ARHGAP21: variants seen among roughly 807,000 people sequenced by gnomAD.
ARHGAP21 encodes the protein Rho GTPase activating protein 21, also known as rho GTPase-activating protein 21.
A neutral mutation model predicts 164.6 loss-of-function variants in ARHGAP21; 38 were observed. The observed-to-expected ratio is 0.23, with a 90% confidence interval of 0.18 to 0.30. ARHGAP21 has a LOEUF of 0.30. Among genes scored for constraint, ARHGAP21 ranks in the 10% least tolerant of loss-of-function variants. The probability of loss-of-function intolerance (pLI) is 1.00; values close to 1 mark genes in which losing one functional copy is unlikely to be tolerated. For synonymous variants in ARHGAP21, 766 were observed against 857.9 expected (o/e 0.89, Z 1.87); for missense variants, 1,822 against 2,370.7 (o/e 0.77, Z 4.81).
intron 25 of ARHGAP21, 108 bp downstream of exon 25, chr10:24,589,163 G>T: frequency 4.3e-6 from 4 of 923,872 alleles, no homozygotes; most frequent in Non-Finnish European, 6.9e-6. Context: ...ATACTTTGTT[G>T]CTCTGTCTCA....
intron 13 of ARHGAP21, among the ~76,000 whole-genome samples, chr10:24,601,675 T>C (rs1310097411): frequency 1.3e-5 from 2 of 152,192 alleles, no homozygotes; most frequent in Non-Finnish European, 2.9e-5. Flanking sequence ...AACCCATTGC[T>C]AATAAACTAA....
rs557410186 is a variant in ARHGAP21, at chr10:24,646,767, G to A, written c.269-11664C>T. 5.9e-5 allele frequency among the ~76,000 whole-genome samples: 9 copies of A among 152,110 alleles called. No homozygotes were observed. In the East Asian group the frequency reaches 1.7e-3, roughly 29 times the overall value. On this transcript the variant is annotated intron_variant, in intron 4 of 25. Transcript: ENST00000396432. ...TCTAAAAAAATTTTAATAATAAAAA[G>A]AAACCATTATACAATGATTTGATCA...
intron 25 of ARHGAP21, among the ~76,000 whole-genome samples, chr10:24,588,217 A>G (rs1184827293): frequency 2.0e-5 from 3 of 152,228 alleles, no homozygotes; most frequent in African/African-American, 4.8e-5. Flanking sequence ...TATGAAAATT[A>G]CACTGTAATT....
rs1220545736 is a variant in ARHGAP21, at chr10:24,596,884, TTTTGA to T, written c.3335-7_3335-3del. ...TGTCTTTTGGGGGACTGGTATCATC[TTTTGA>T]TTGCCAGTCAAAATAAAACAACATA... On this transcript the variant is annotated splice_polypyrimidine_tract_variant and splice_region_variant and intron_variant, in intron 16 of 25. Transcript: ENST00000396432. The T allele has an allele frequency of 6.3e-7, 1 of 1,593,366 alleles. No individual in the cohort carries two copies. Among genetic ancestry groups the T allele is most frequent in the Non-Finnish European group, 8.5e-7 (1 of 1,174,936 alleles).
chr10:24,659,441 G>A (rs1487777686), intron 4 of ARHGAP21, among the ~76,000 whole-genome samples: 1 of 152,090 alleles, frequency 6.6e-6, no homozygotes, highest in South Asian at 2.1e-4. Context: ...TCAGCCTTGC[G>A]AGTAGCTGGG....
intron 4 of ARHGAP21, among the ~76,000 whole-genome samples, chr10:24,655,957 G>A (rs1203969672): frequency 8.2e-6 from 1 of 121,594 alleles, no homozygotes; most frequent in Non-Finnish European, 1.7e-5. Flanking sequence ...CGTCTGAGAA[G>A]TGAGGAGACC....
chr10:24,590,985 C>T, intron 24 of ARHGAP21: 1 of 875,942 alleles, frequency 1.1e-6, no homozygotes. Context: ...TTTGCATGCT[C>T]ATTTCCCTCA....
chr10:24,591,016 T>A (rs2076305836), intron 24 of ARHGAP21: 1 of 721,802 alleles, frequency 1.4e-6, no homozygotes, highest in Non-Finnish European at 1.7e-6. Context: ...CTGACAAACA[T>A]TACAACTGCA....
At chr10:24,712,570 G>T (rs1844939244) in intron 2 of ARHGAP21, among the ~76,000 whole-genome samples, 1 of 152,062 alleles carries the variant, frequency 6.6e-6, no homozygotes, top group Non-Finnish European at 1.5e-5. Flanking sequence ...GTGGTTTTGG[G>T]AATAATGACA....
chr10:24,597,952 G>C lies in ARHGAP21; in HGVS notation c.3190C>G (p.Leu1064Val), dbSNP rs754717968. ...GCAAGGTGGGATTCTCACCTCATCA[G>C]ATTGTTGTATTCTTTTATTCTTCGA... The part of the protein sequence containing the change: ...ISRRIKEYNN[L>V]MSKAEQLPKT... The change falls in exon 15 of 26, where the codon CTG (leucine) becomes GTG (valine). Residue 1064 changes from leucine to valine, a missense_variant. Coordinates refer to ENST00000396432, the MANE Select transcript of ARHGAP21 (RefSeq NM_020824.4). The C allele has an allele frequency of 6.2e-7, 1 of 1,613,230 alleles. No homozygotes were observed. Among genetic ancestry groups the C allele is most frequent in the South Asian group, 1.1e-5 (1 of 91,044 alleles).
At chr10:24,717,096 T>G (rs573947715) in intron 2 of ARHGAP21, among the ~76,000 whole-genome samples, 37 of 152,314 alleles carry the variant, frequency 2.4e-4, no homozygotes, top group Non-Finnish European at 4.3e-4. Flanking sequence ...TGCATATACT[T>G]GATATTTAAA....
intron 25 of ARHGAP21, among the ~76,000 whole-genome samples, chr10:24,589,059 C>A (rs2076223138): frequency 6.6e-6 from 1 of 152,016 alleles, no homozygotes; most frequent in Non-Finnish European, 1.5e-5. Flanking sequence ...TAAAACTGCA[C>A]AATGAGAAGA....
At chr10:24,689,332 G>A (rs1842494918) in intron 2 of ARHGAP21, among the ~76,000 whole-genome samples, 1 of 152,072 alleles carries the variant, frequency 6.6e-6, no homozygotes, top group Admixed American at 6.6e-5. Context: ...GGATACACCA[G>A]AAAATAAATC....
chr10:24,605,313 T>C (rs1239843389), intron 11 of ARHGAP21, among the ~76,000 whole-genome samples: 4 of 152,194 alleles, frequency 2.6e-5, no homozygotes, highest in African/African-American at 7.2e-5. Flanking sequence ...CTGAAGCTGG[T>C]GACAGGAGCC....
At chr10:24,665,358 G>T (rs1372678573) in intron 4 of ARHGAP21, among the ~76,000 whole-genome samples, 1 of 150,540 alleles carries the variant, frequency 6.6e-6, no homozygotes, top group Non-Finnish European at 1.5e-5. Context: ...ACCTTTTCAA[G>T]ACCTCAAATG....
In ARHGAP21 at chr10:24,723,823, C is replaced by G. The variant is rs1386600777; in HGVS notation, c.-642G>C. ...GCGGGGCGGCGGCCGCCGGACTCTC[C>G]CCTCGCCTCGCCGGGCCGGGCCGGG... On this transcript the variant is annotated 5_prime_UTR_variant, in exon 1 of 26. Transcript: ENST00000396432. Among the ~76,000 whole-genome samples the G allele has an allele frequency of 1.3e-5, 2 of 149,464 alleles. No homozygotes were observed. The highest frequency in any genetic ancestry group is 3.0e-5 in the Non-Finnish European group (2 of 67,208).
chr10:24,691,126 T>TG (rs1842734740), intron 2 of ARHGAP21, among the ~76,000 whole-genome samples: 2 of 152,164 alleles, frequency 1.3e-5, no homozygotes, highest in South Asian at 4.1e-4. Context: ...GGTCATCAGC[T>TG]GGGGTAGCAG....
rs147810945 is a variant in ARHGAP21 at position 24,600,731 on chromosome 10, C to G, written c.3047G>C (p.Cys1016Ser). 3.8e-4 allele frequency: 617 copies of G among 1,614,000 alleles called. 1 individual carries two copies. The African/African-American group carries it at 6.4e-3, about 17-fold the overall frequency. ...KNVFRLTTSD[C>S]ECLFQAEDRD... ...GTCTTCAGCCTGAAACAGGCATTCA[C>G]AGTCGGACGTGGTGAGTCGAAACAC... is the stretch of plus-strand genomic sequence containing the variant. The change falls in exon 14 of 26, where the codon TGT becomes TCT. Residue 1016 changes from cysteine to serine, a missense_variant. Cys to Ser is a moderately radical substitution (Grantham distance 112). Around this residue, in one of 5 missense-constraint regions of ARHGAP21, gnomAD observed 1,090 missense variants for 1,378.9 expected, o/e 0.79. Transcript: ENST00000396432.
chr10:24,628,072 A>G lies in ARHGAP21; in HGVS notation c.495+1924T>C, dbSNP rs183559862. Among the ~76,000 whole-genome samples, 257 of 152,316 alleles carry G rather than the reference A, an allele frequency of 1.7e-3. 1 individual carries two copies. The highest frequency in any genetic ancestry group is 6.0e-3 in the African/African-American group (250 of 41,550). The stretch of plus-strand genomic sequence containing the variant: ...CGCTACCATATACACCATCTTCTGT[A>G]TAAGAAGAGCACTAGAGAAGAATTC... On this transcript the variant is annotated intron_variant, in intron 7 of 25. Transcript: ENST00000396432.
Sources: allele counts gnomAD v4.1 joint callset (sites outside exome capture counted in the v4.1 genomes callset), GRCh38; gene constraint gnomAD v4.1.1; regional missense constraint gnomAD v4.1.1; transcripts MANE v1.5; gene names NCBI Gene and HGNC (gene_info 2026-07-23, HGNC 2026-07-21).